Variants in CCDC171 observed in about 807,000 individuals in gnomAD.
The protein encoded by CCDC171 is coiled-coil domain containing 171.
In CCDC171, 177 loss-of-function variants were observed where a neutral mutation model predicts 168.2. The ratio of observed to expected loss-of-function variants is 1.05; its 90% CI spans 0.93 to 1.19. CCDC171 has a LOEUF of 1.19. CCDC171 is among the 50% of genes most tolerant of loss of function. The pLI, the probability that CCDC171 is intolerant of heterozygous loss-of-function variation, is 0.00. For synonymous variants in CCDC171, 687 were observed against 540.8 expected (o/e 1.27, Z -3.75); for missense variants, 1,991 against 1,539.0 (o/e 1.29, Z -4.91).
chr9:15,733,745 GA>G (rs56675891), intron 16 of CCDC171, among the ~76,000 whole-genome samples: 143,573 of 152,052 alleles, frequency 0.94, 67,841 homozygotes, highest in East Asian at 1. Context: ...TGAACTCTTT[GA>G]AAATCTACCA....
In CCDC171 at chr9:15,809,878, CTGATTGGTTCATTTTACAGAGAGA is replaced by C. The variant is rs1417978765; in HGVS notation, c.3267+25193_3267+25216del. Among the ~76,000 whole-genome samples, 38 of 152,312 alleles carry C rather than the reference CTGATTGGTTCATTTTACAGAGAGA, an allele frequency of 2.5e-4. No homozygotes were observed. The East Asian group carries it at 6.2e-3, about 25-fold the overall frequency. ...CTTATCTGGACCCACCCACATCCTG[CTGATTGGTTCATTTTACAGAGAGA>C]TGATTGGTCCATTTTACAGAGAGCT... is the stretch of plus-strand genomic sequence containing the variant. On this transcript the variant is annotated intron_variant, in intron 21 of 25. Coordinates refer to ENST00000380701, the MANE Select transcript of CCDC171 (RefSeq NM_173550.4).
At chr9:15,737,736 A>G (rs946046196) in intron 16 of CCDC171, among the ~76,000 whole-genome samples, 3 of 152,208 alleles carry the variant, frequency 2.0e-5, no homozygotes, top group African/African-American at 4.8e-5. Flanking sequence ...AATTTACGTA[A>G]TGAAGATAGT....
At chr9:15,561,468 T>C (rs1206419047) in intron 1 of CCDC171, among the ~76,000 whole-genome samples, 2 of 152,224 alleles carry the variant, frequency 1.3e-5, no homozygotes, top group East Asian at 1.9e-4. Context: ...ATTTTAACTT[T>C]GTGGAGTTTC....
intron 18 of CCDC171, among the ~76,000 whole-genome samples, chr9:15,769,881 T>A (rs1248323822): frequency 6.6e-6 from 1 of 152,222 alleles, no homozygotes; most frequent in Non-Finnish European, 1.5e-5. Context: ...CAGAACTCCT[T>A]CAAAAGAGTT....
Position 15,819,279 on chromosome 9 carries a change from C to T in CCDC171, c.3268-27423C>T, listed in dbSNP as rs1362296737. 6.8e-5 allele frequency among the ~76,000 whole-genome samples: 8 copies of T among 117,722 alleles called. 1 individual carries two copies. In the East Asian group the frequency reaches 1.7e-3, roughly 25 times the overall value. The allele number at this position is 117,722 out of a possible 152,430, so 77.2% of individuals were successfully genotyped here. ...GACCATCGAGGCTAGGAAGAAACTG[C>T]ATCAACTAACGAGCAAAATAACCAG... On this transcript the variant is annotated intron_variant, in intron 21 of 25. Transcript: ENST00000380701.
chr9:15,981,606 G>A lies in CCDC171; in HGVS notation n.369-38983G>A, dbSNP rs1213613334. Among the ~76,000 whole-genome samples the A allele has an allele frequency of 3.3e-5, 5 of 152,286 alleles. No homozygotes were observed. In the East Asian group the frequency reaches 9.6e-4, roughly 29 times the overall value. Reference sequence around the variant, plus strand: ...GAGTAGACATGTAGAAGCTTTTTAAGTTGTAACTACCTAAACAATGTTAGA... The same window carrying A: ...GAGTAGACATGTAGAAGCTTTTTAAATTGTAACTACCTAAACAATGTTAGA... On this transcript the variant is annotated intron_variant and non_coding_transcript_variant, in intron 3 of 9. Transcript: ENST00000486641.
At chr9:16,104,935 G>C in the CCDC171 span, among the ~76,000 whole-genome samples, 6 of 152,110 alleles carry the variant, frequency 3.9e-5, no homozygotes, top group Non-Finnish European at 8.8e-5. Flanking sequence ...GGTACCAGCA[G>C]ACCATCTCAT....
chr9:15,570,182 G>A (rs969056120), intron 2 of CCDC171, among the ~76,000 whole-genome samples: 1 of 151,984 alleles, frequency 6.6e-6, no homozygotes, highest in African/African-American at 2.4e-5. Context: ...TGTTGGCCAG[G>A]CTGGTCTTGA....
chr9:15,784,364 T>G, intron 20 of CCDC171, 145 bp from the exon 21 acceptor site: 1 of 474,698 alleles, frequency 2.1e-6, no homozygotes, highest in East Asian at 3.3e-5. Context: ...TCTTGACTTA[T>G]GCAATTAAGA....
At chr9:15,801,855 T>G (rs1287859586) in intron 21 of CCDC171, among the ~76,000 whole-genome samples, 2 of 152,118 alleles carry the variant, frequency 1.3e-5, no homozygotes, top group Non-Finnish European at 1.5e-5. Context: ...TATCAAATGC[T>G]TCTGTCAGCA....
intron 3 of CCDC171, among the ~76,000 whole-genome samples, chr9:15,981,809 G>T (rs1284249916): frequency 1.3e-5 from 2 of 152,004 alleles, no homozygotes; most frequent in Non-Finnish European, 2.9e-5. Context: ...CTCTCAGCAT[G>T]ACTTCCCAAA....
intron 6 of CCDC171, among the ~76,000 whole-genome samples, chr9:16,033,034 C>G (rs1833392011): frequency 6.6e-6 from 1 of 152,064 alleles, no homozygotes; most frequent in South Asian, 2.1e-4. Context: ...GAGGAGGGCA[C>G]CCAAACCATG....
intron 6 of CCDC171, among the ~76,000 whole-genome samples, 179 bp downstream of exon 6, chr9:15,594,351 T>C (rs778690792): frequency 1.3e-5 from 2 of 152,154 alleles, no homozygotes; most frequent in Admixed American, 6.6e-5. Flanking sequence ...ACAGATACCA[T>C]TAGTGTTTAG....
At chr9:15,677,837 CTG>C (rs774482581) in intron 9 of CCDC171, among the ~76,000 whole-genome samples, 135 of 80,680 alleles carry the variant, frequency 1.7e-3, no homozygotes, top group African/African-American at 3.1e-3. Flanking sequence ...ACACAAATGG[CTG>C]TGTGTGTGTG....
intron 25 of CCDC171, among the ~76,000 whole-genome samples, chr9:15,956,816 T>C (rs1260993694): frequency 6.6e-6 from 1 of 152,180 alleles, no homozygotes. Context: ...TTCCATACTT[T>C]TGAATGTGCG....
chr9:15,560,426 C>G (rs899995736), intron 1 of CCDC171, among the ~76,000 whole-genome samples: 1 of 152,118 alleles, frequency 6.6e-6, no homozygotes, highest in Non-Finnish European at 1.5e-5. Context: ...TTGTTCATTT[C>G]TTTTTACTCT....
chr9:15,646,471 T>G (rs1055530495), intron 7 of CCDC171, among the ~76,000 whole-genome samples: 29 of 152,128 alleles, frequency 1.9e-4, no homozygotes, highest in African/African-American at 5.6e-4. Context: ...TGGATAAAGA[T>G]TCAAGACCCA....
intron 9 of CCDC171, among the ~76,000 whole-genome samples, chr9:15,667,422 G>C (rs941388580): frequency 2.6e-5 from 4 of 152,106 alleles, no homozygotes; most frequent in Non-Finnish European, 4.4e-5. Flanking sequence ...GACGCGGGTA[G>C]ATCACCTGAG....
intron 7 of CCDC171, among the ~76,000 whole-genome samples, chr9:15,637,824 A>T (rs1486263793): frequency 6.6e-6 from 1 of 152,034 alleles, no homozygotes; most frequent in African/African-American, 2.4e-5. Context: ...GCTGCATAGT[A>T]TTCCATGGTG....
Sources: gnomAD v4.1 joint callset for allele counts (sites outside exome capture counted in the v4.1 genomes callset) on GRCh38, gnomAD v4.1.1 for gene constraint, MANE v1.5 for transcripts, NCBI Gene and HGNC (gene_info 2026-07-23, HGNC 2026-07-21) for gene names.